The following RALGAPB variants were observed in gnomAD, a reference collection of about 807,000 sequenced individuals.
RALGAPB encodes the protein ral GTPase-activating protein subunit beta.
A neutral mutation model predicts 161.1 loss-of-function variants in RALGAPB; 25 were observed. That is an observed-to-expected ratio of 0.16 (90% CI 0.11 to 0.22). The LOEUF (loss-of-function observed/expected upper bound fraction) is 0.22, where lower values mean the gene tolerates loss of function less well. RALGAPB is among the 10% of genes least tolerant of loss of function. The probability of loss-of-function intolerance (pLI) is 1.00; values close to 1 mark genes in which losing one functional copy is unlikely to be tolerated. For missense variants in RALGAPB, 1,391 were observed against 1,815.2 expected, an observed-to-expected ratio of 0.77 and a Z score of 4.25; for synonymous variants, 629 against 626.1, an observed-to-expected ratio of 1.00 and a Z score of -0.07.
At chr20:38,551,860 G>A (rs2087387069) in intron 21 of RALGAPB, among the ~76,000 whole-genome samples, 2 of 152,138 alleles carry the variant, frequency 1.3e-5, no homozygotes, top group Admixed American at 1.3e-4. Flanking sequence ...GGACATGAGA[G>A]AACAGAAGAG....
At chr20:38,505,456 A>G (rs1026377155) in intron 5 of RALGAPB, among the ~76,000 whole-genome samples, 1 of 152,186 alleles carries the variant, frequency 6.6e-6, no homozygotes, top group Non-Finnish European at 1.5e-5. Context: ...AGTGTTGAAA[A>G]GTCCAGATGA....
intron 2 of RALGAPB, among the ~76,000 whole-genome samples, chr20:38,490,551 G>C: frequency 6.6e-6 from 1 of 151,772 alleles, no homozygotes; most frequent in African/African-American, 2.4e-5. Context: ...TTGTTGGCCA[G>C]GCTGGAGTGC....
At chr20:38,492,586 C>A (rs908961407) in intron 2 of RALGAPB, among the ~76,000 whole-genome samples, 4 of 152,076 alleles carry the variant, frequency 2.6e-5, no homozygotes, top group African/African-American at 9.7e-5. Context: ...AGAAAAAACT[C>A]TAAAATGTTC....
At position 38,518,008 on chromosome 20, in the gene RALGAPB, T is replaced by C. The variant is rs2086183428; in HGVS notation, c.1417+8T>C. On this transcript the variant is annotated splice_region_variant and intron_variant, in intron 9 of 29. Coordinates refer to ENST00000262879, the MANE Select transcript of RALGAPB (RefSeq NM_020336.4). The stretch of plus-strand genomic sequence containing the variant: ...GAGACAGCAGCATGACTGGTAAATA[T>C]TACTCAAGAAATATGTTATCATTAT... 1 of 1,587,750 alleles carries C rather than the reference T, an allele frequency of 6.3e-7. No homozygotes were observed. The highest frequency in any genetic ancestry group is 8.7e-7 in the Non-Finnish European group (1 of 1,156,042).
At chr20:38,543,012 T>C (rs950471721) in intron 18 of RALGAPB, among the ~76,000 whole-genome samples, 2 of 152,208 alleles carry the variant, frequency 1.3e-5, no homozygotes, top group African/African-American at 4.8e-5. Flanking sequence ...TGGGGTGTTC[T>C]TTGAGTGCAT....
chr20:38,568,215 T>C lies in RALGAPB; in HGVS notation c.3954+983T>C, dbSNP rs1402290168. On this transcript the variant is annotated intron_variant, in intron 26 of 29. Coordinates refer to ENST00000262879, the MANE Select transcript of RALGAPB (RefSeq NM_020336.4). ...GCACCATGTTTTTGTTTCTCACTTA[T>C]ACTGTACTTTGCAGACACTAACAGA... 3.3e-5 allele frequency among the ~76,000 whole-genome samples: 5 copies of C among 151,854 alleles called. No homozygotes were observed. In the East Asian group the frequency reaches 9.6e-4, roughly 29 times the overall value.
chr20:38,516,105 C>A, intron 6 of RALGAPB, 87 bp from the exon 7 acceptor site: 1 of 1,012,722 alleles, frequency 9.9e-7, no homozygotes, highest in Non-Finnish European at 1.4e-6. Context: ...GAAATAGGCA[C>A]AGTCCTATTC....
chr20:38,562,739 G>A (rs1347506729), intron 24 of RALGAPB, 42 bp downstream of exon 24: 2 of 1,527,964 alleles, frequency 1.3e-6, no homozygotes, highest in Admixed American at 2.2e-5. Context: ...TTTCTTGTTT[G>A]TTAGTCTTGT....
In RALGAPB at chr20:38,499,493, T is replaced by C. The variant is rs540535343; in HGVS notation, c.600T>C (p.Phe200=). The C allele has an allele frequency of 6.2e-6, 10 of 1,613,248 alleles. No individual in the cohort carries two copies. In the African/African-American group the frequency reaches 1.2e-4, roughly 19 times the overall value. Residue 200 remains phenylalanine, a synonymous_variant, in exon 5 of 30, where the codon TTT becomes TTC. Transcript: ENST00000262879. ...CAGAGAAGTTGATTGGTGTTCTCTTTGAGGTGTGGTTACTAGCTTGTACTC... is the reference window on the plus strand; with the variant it reads ...CAGAGAAGTTGATTGGTGTTCTCTTCGAGGTGTGGTTACTAGCTTGTACTC... The part of the protein sequence containing the change: ...NLAEKLIGVL[F]EVWLLACTRC...
At chr20:38,499,817 T>C (rs1480873817) in intron 5 of RALGAPB, 184 bp downstream of exon 5, 1 of 434,252 alleles carries the variant, frequency 2.3e-6, no homozygotes, top group Non-Finnish European at 3.9e-6. Context: ...CATTTCAGAA[T>C]AATCAAGTAT....
intron 13 of RALGAPB, among the ~76,000 whole-genome samples, chr20:38,530,623 G>A (rs1448531290): frequency 6.8e-6 from 1 of 147,074 alleles, no homozygotes; most frequent in African/African-American, 2.5e-5. Flanking sequence ...TTGAGATGAA[G>A]TCTCGCTCTG....
intron 26 of RALGAPB, chr20:38,569,677 A>G (rs1201763889): frequency 6.3e-6 from 3 of 477,934 alleles, no homozygotes; most frequent in Admixed American, 3.3e-5. Flanking sequence ...TTTCTTTGAC[A>G]ATTTTAAGCC....
intron 23 of RALGAPB, among the ~76,000 whole-genome samples, chr20:38,560,251 C>G (rs2087741168): frequency 6.6e-6 from 1 of 152,052 alleles, no homozygotes; most frequent in African/African-American, 2.4e-5. Context: ...AATAAGCAAA[C>G]AACCATTGTA....
chr20:38,511,168 A>G (rs1212524507), intron 6 of RALGAPB, among the ~76,000 whole-genome samples: 1 of 152,166 alleles, frequency 6.6e-6, no homozygotes, highest in East Asian at 1.9e-4. Context: ...TCCATTAGCC[A>G]CAACTCAGAC....
intron 10 of RALGAPB, among the ~76,000 whole-genome samples, chr20:38,524,451 G>GCCA (rs1211435666): frequency 3.3e-5 from 5 of 151,846 alleles, no homozygotes; most frequent in African/African-American, 1.2e-4. Context: ...AGAACTTTGA[G>GCCA]TTGCAAGGCT....
chr20:38,571,588 T>C (rs906543993), intron 28 of RALGAPB, among the ~76,000 whole-genome samples: 2 of 152,258 alleles, frequency 1.3e-5, no homozygotes, highest in Non-Finnish European at 2.9e-5. Flanking sequence ...CACCACATTT[T>C]CCTTGTCTAT....
chr20:38,570,112 T>C, intron 27 of RALGAPB, 116 bp downstream of exon 27: 1 of 762,128 alleles, frequency 1.3e-6, no homozygotes. Context: ...GTCCTGGAGT[T>C]CAGCAAGCCT....
At chr20:38,570,618 T>C in intron 27 of RALGAPB, 151 bp from the exon 28 acceptor site, 1 of 419,268 alleles carries the variant, frequency 2.4e-6, no homozygotes, top group Non-Finnish European at 4.2e-6. Flanking sequence ...AATTTTTTAA[T>C]TTGTAGAGAA....
chr20:38,534,101 T>C lies in RALGAPB; in HGVS notation c.2246-973T>C, dbSNP rs1401220678. Among the ~76,000 whole-genome samples, 3 of 144,840 alleles carry C rather than the reference T, an allele frequency of 2.1e-5. No homozygotes were observed. The East Asian group carries it at 6.0e-4, about 29-fold the overall frequency. On this transcript the variant is annotated intron_variant, in intron 15 of 29. Transcript: ENST00000262879. ...TTGCAGTGAGCCAAGATTGCGCCAC[T>C]GTACTCCAGCCTGGGCAACAGAGCG...
Sources: gnomAD v4.1 joint callset for allele counts (sites outside exome capture counted in the v4.1 genomes callset) on GRCh38, gnomAD v4.1.1 for gene constraint, MANE v1.5 for transcripts, NCBI Gene and HGNC (gene_info 2026-07-23, HGNC 2026-07-21) for gene names.